NOX4: variants seen among roughly 807,000 people sequenced by gnomAD.
The protein encoded by NOX4 is NADPH oxidase 4, also known as kidney oxidase-1.
NOX4 carries 69 observed loss-of-function variants against 87.6 expected under a neutral mutation model. The ratio of observed to expected loss-of-function variants is 0.79; its 90% CI spans 0.65 to 0.96. The LOEUF (loss-of-function observed/expected upper bound fraction) is 0.96. Ranked by LOEUF, NOX4 falls within the 40% of genes least tolerant of loss-of-function variation. NOX4 has a pLI of 0.00. For missense variants in NOX4, 680 were observed against 681.5 expected, an observed-to-expected ratio of 1.00 and a Z score of 0.02; for synonymous variants, 275 against 238.2, an observed-to-expected ratio of 1.15 and a Z score of -1.42.
At chr11:89,463,941 T>C (rs1945573063) in intron 2 of NOX4, among the ~76,000 whole-genome samples, 1 of 152,142 alleles carries the variant, frequency 6.6e-6, no homozygotes, top group African/African-American at 2.4e-5. Context: ...GGCATTTGCA[T>C]ATGATAAGAA....
At chr11:89,388,783 G>A (rs1391738477) in intron 11 of NOX4, among the ~76,000 whole-genome samples, 2 of 152,012 alleles carry the variant, frequency 1.3e-5, no homozygotes, top group East Asian at 1.9e-4. Context: ...GAAGAACGAG[G>A]CAAAAAATCT....
At chr11:89,568,088 C>T in the NOX4 span, among the ~76,000 whole-genome samples, 1 of 152,176 alleles carries the variant, frequency 6.6e-6, no homozygotes. Flanking sequence ...AGTTATGGGC[C>T]TGGACACCAC....
chr11:89,363,102 A>G (rs1938655379), intron 12 of NOX4, among the ~76,000 whole-genome samples: 1 of 152,114 alleles, frequency 6.6e-6, no homozygotes, highest in Non-Finnish European at 1.5e-5. Flanking sequence ...CTACAAGTAA[A>G]TAAGTGCTAA....
chr11:89,572,974 C>T, the NOX4 span, among the ~76,000 whole-genome samples: 736 of 151,950 alleles, frequency 4.8e-3, 11 homozygotes, highest in African/African-American at 0.017. Context: ...CTCTTTTCCC[C>T]CAAATTAACT....
the NOX4 span, among the ~76,000 whole-genome samples, chr11:89,587,729 A>C: frequency 6.6e-6 from 1 of 152,130 alleles, no homozygotes; most frequent in African/African-American, 2.4e-5. Flanking sequence ...AGATTTATCA[A>C]ATGTTATATA....
At chr11:89,430,090 C>G (rs1283562634) in intron 7 of NOX4, among the ~76,000 whole-genome samples, 3 of 152,106 alleles carry the variant, frequency 2.0e-5, no homozygotes, top group African/African-American at 7.2e-5. Flanking sequence ...TAAACAGAAC[C>G]AAAGACAAAA....
At chr11:89,553,541 A>C in the NOX4 span, among the ~76,000 whole-genome samples, 1 of 152,190 alleles carries the variant, frequency 6.6e-6, no homozygotes, top group Non-Finnish European at 1.5e-5. Flanking sequence ...CAGCAGAGGA[A>C]ATCTGCATTA....
chr11:89,409,247 C>T (rs1942347776), intron 8 of NOX4, among the ~76,000 whole-genome samples: 1 of 152,062 alleles, frequency 6.6e-6, no homozygotes, highest in South Asian at 2.1e-4. Flanking sequence ...CTTTTTCCTC[C>T]TCCTTTCCCC....
chr11:89,507,087 G>T, the NOX4 span, among the ~76,000 whole-genome samples: 1 of 151,782 alleles, frequency 6.6e-6, no homozygotes. Context: ...AAATGCCTAG[G>T]GAATAAAAAC....
Position 89,490,557 on chromosome 11 carries a change from A to C in NOX4, c.58-4T>G, listed in dbSNP as rs1946809103. On this transcript the variant is annotated splice_polypyrimidine_tract_variant and splice_region_variant and intron_variant, in intron 1 of 17. Transcript: ENST00000263317. ...CATTCATGGAGAGCCAGATGAACTA[A>C]ACCAATCAGACATGAGAGACAGAAA... 1 of 1,610,342 alleles carries C rather than the reference A, an allele frequency of 6.2e-7. No homozygotes were observed. The highest frequency in any genetic ancestry group is 8.5e-7 in the Non-Finnish European group (1 of 1,176,644).
chr11:89,357,427 A>C (rs1938153433), intron 12 of NOX4, among the ~76,000 whole-genome samples: 1 of 152,150 alleles, frequency 6.6e-6, no homozygotes, highest in South Asian at 2.1e-4. Flanking sequence ...AATTTACAAA[A>C]TTAACATTTC....
chr11:89,535,953 C>T, the NOX4 span, among the ~76,000 whole-genome samples: 1 of 152,074 alleles, frequency 6.6e-6, no homozygotes, highest in Non-Finnish European at 1.5e-5. Context: ...CCCACGGTCT[C>T]TGCTTTAGTT....
chr11:89,383,801 C>T (rs1344045611), intron 11 of NOX4, among the ~76,000 whole-genome samples: 1 of 152,118 alleles, frequency 6.6e-6, no homozygotes, highest in Non-Finnish European at 1.5e-5. Context: ...ATAGCCACAC[C>T]TCACTGCCAC....
chr11:89,506,450 A>T, the NOX4 span, among the ~76,000 whole-genome samples: 1 of 151,786 alleles, frequency 6.6e-6, no homozygotes, highest in Non-Finnish European at 1.5e-5. Flanking sequence ...TGGATCATAG[A>T]CCTAAATGTA....
At chr11:89,425,384 G>A (rs542383619) in intron 7 of NOX4, among the ~76,000 whole-genome samples, 1 of 149,694 alleles carries the variant, frequency 6.7e-6, no homozygotes, top group East Asian at 1.9e-4. Context: ...TATGGATGGG[G>A]GTGTTTGTTT....
chr11:89,441,947 C>CTATATATATA lies in NOX4; in HGVS notation c.448-1242_448-1233dup, dbSNP rs5793404. On this transcript the variant is annotated intron_variant, in intron 5 of 17. Transcript: ENST00000263317. ...CTTCACAAAATAACATATGTGTTGA[C>CTATATATATA]TATATATATATATATATATATATAA... Among the ~76,000 whole-genome samples, 36 of 137,994 alleles carry CTATATATATA rather than the reference C, an allele frequency of 2.6e-4. No homozygotes were observed. The South Asian group carries it at 4.9e-3, about 19-fold the overall frequency. The allele number at this position is 137,994 out of a possible 152,430, so 90.5% of individuals were successfully genotyped here.
chr11:89,534,352 A>G, the NOX4 span, among the ~76,000 whole-genome samples: 1 of 152,230 alleles, frequency 6.6e-6, no homozygotes, highest in South Asian at 2.1e-4. Context: ...ATATCCTTGT[A>G]GACATTTCTG....
the NOX4 span, among the ~76,000 whole-genome samples, chr11:89,552,528 C>A: frequency 6.6e-6 from 1 of 152,144 alleles, no homozygotes; most frequent in Non-Finnish European, 1.5e-5. Context: ...TGCCCACTCC[C>A]ATTTGTCCCC....
chr11:89,572,160 T>A, the NOX4 span, among the ~76,000 whole-genome samples: 1 of 152,212 alleles, frequency 6.6e-6, no homozygotes, highest in Admixed American at 6.5e-5. Context: ...TGGGCACATG[T>A]CTTCAGGACC....
Sources: allele counts gnomAD v4.1 joint callset (sites outside exome capture counted in the v4.1 genomes callset), GRCh38; gene constraint gnomAD v4.1.1; transcripts MANE v1.5; gene names NCBI Gene and HGNC (gene_info 2026-07-23, HGNC 2026-07-21).